Variants in CRISPLD2 observed in about 807,000 individuals in gnomAD.
The protein encoded by CRISPLD2 is cysteine-rich secretory protein LCCL domain-containing 2.
A neutral mutation model predicts 71.1 loss-of-function variants in CRISPLD2; 47 were observed. The observed-to-expected ratio is 0.66, with a 90% CI of 0.52 to 0.84. The LOEUF is 0.84. Among genes scored for constraint, CRISPLD2 ranks in the 40% least tolerant of loss-of-function variants. CRISPLD2 has a pLI of 0.00. For missense variants in CRISPLD2, 830 were observed against 651.1 expected, an observed-to-expected ratio of 1.27 and a Z score of -2.99; for synonymous variants, 317 against 250.1, an observed-to-expected ratio of 1.27 and a Z score of -2.52.
chr16:84,828,514 G>C (rs1283154364), intron 1 of CRISPLD2, among the ~76,000 whole-genome samples: 1 of 152,118 alleles, frequency 6.6e-6, no homozygotes, highest in Non-Finnish European at 1.5e-5. Flanking sequence ...CTGGGAGTCC[G>C]TAATTCCTTT....
chr16:84,824,907 C>A (rs1190445491), intron 1 of CRISPLD2, among the ~76,000 whole-genome samples: 1 of 151,840 alleles, frequency 6.6e-6, no homozygotes, highest in Admixed American at 6.6e-5. Flanking sequence ...AGTTTGAGAC[C>A]AGCCTGACCA....
chr16:84,887,946 G>A (rs1327678561), intron 13 of CRISPLD2, among the ~76,000 whole-genome samples: 1 of 152,212 alleles, frequency 6.6e-6, no homozygotes, highest in South Asian at 2.1e-4. Flanking sequence ...AAATCAGATC[G>A]CTAGATCCAC....
intron 3 of CRISPLD2, among the ~76,000 whole-genome samples, chr16:84,847,954 A>T (rs943068936): frequency 2.6e-5 from 4 of 152,110 alleles, no homozygotes; most frequent in African/African-American, 9.7e-5. Flanking sequence ...GCTCTTGCAG[A>T]TTCATTTTTG....
At chr16:84,848,806 A>G (rs1916988336) in intron 3 of CRISPLD2, among the ~76,000 whole-genome samples, 1 of 152,022 alleles carries the variant, frequency 6.6e-6, no homozygotes. Flanking sequence ...TACGGGCTTC[A>G]TGGGCTGGAT....
chr16:84,904,507 C>T (rs2071783669), intron 14 of CRISPLD2, among the ~76,000 whole-genome samples: 1 of 151,838 alleles, frequency 6.6e-6, no homozygotes, highest in Non-Finnish European at 1.5e-5. Flanking sequence ...TCACTTGAAC[C>T]TGGGAAGCAG....
At chr16:84,862,790 C>T (rs1281516288) in intron 6 of CRISPLD2, among the ~76,000 whole-genome samples, 2 of 149,968 alleles carry the variant, frequency 1.3e-5, no homozygotes, top group African/African-American at 2.5e-5. Flanking sequence ...GATGTGGGAT[C>T]AGGCTGGTGG....
At chr16:84,905,915 G>A (rs183634153) in intron 14 of CRISPLD2, among the ~76,000 whole-genome samples, 3 of 152,036 alleles carry the variant, frequency 2.0e-5, no homozygotes, top group Admixed American at 2.0e-4. Flanking sequence ...TCACCATGTT[G>A]GCCAGGCTGG....
chr16:84,868,778 C>T, intron 7 of CRISPLD2, 73 bp from the exon 8 acceptor site: 9 of 1,210,814 alleles, frequency 7.4e-6, no homozygotes, highest in Non-Finnish European at 1.1e-5. Flanking sequence ...CAGAATGTCC[C>T]TCAGCATGGG....
chr16:84,859,538 C>T (rs185315311), intron 6 of CRISPLD2, among the ~76,000 whole-genome samples: 2 of 152,220 alleles, frequency 1.3e-5, no homozygotes, highest in Non-Finnish European at 2.9e-5. Context: ...GACCTAGCCT[C>T]CCCTTCATTC....
At chr16:84,833,270 G>T (rs1280361047) in intron 1 of CRISPLD2, among the ~76,000 whole-genome samples, 1 of 152,074 alleles carries the variant, frequency 6.6e-6, no homozygotes, top group Non-Finnish European at 1.5e-5. Flanking sequence ...AGCTCTGTCC[G>T]TTCCCCTCCC....
intron 14 of CRISPLD2, among the ~76,000 whole-genome samples, chr16:84,891,190 G>T (rs1372759948): frequency 6.6e-6 from 1 of 152,222 alleles, no homozygotes; most frequent in East Asian, 1.9e-4. Flanking sequence ...CAATGTTGAA[G>T]ATTTCATATT....
intron 14 of CRISPLD2, among the ~76,000 whole-genome samples, chr16:84,903,626 C>G (rs1378716094): frequency 6.6e-6 from 1 of 150,926 alleles, no homozygotes; most frequent in East Asian, 1.9e-4. Flanking sequence ...CCCAAAGAGA[C>G]TTAGTGACTT....
At chr16:84,888,929 C>G (rs760752814) in intron 13 of CRISPLD2, among the ~76,000 whole-genome samples, 1 of 152,196 alleles carries the variant, frequency 6.6e-6, no homozygotes, top group Non-Finnish European at 1.5e-5. Context: ...TTTGCTCACT[C>G]GACTCTTTGA....
At chr16:84,849,283 C>G in intron 3 of CRISPLD2, 102 bp from the exon 4 acceptor site, 1 of 1,192,752 alleles carries the variant, frequency 8.4e-7, no homozygotes, top group Non-Finnish European at 1.2e-6. Context: ...CGCTATTCAC[C>G]CTCCTCGGCC....
At chr16:84,850,466 T>A (rs4782673) in intron 4 of CRISPLD2, 102 bp from the exon 5 acceptor site, 40 of 869,320 alleles carry the variant, frequency 4.6e-5, no homozygotes, top group South Asian at 3.3e-4. Flanking sequence ...ACCCTTCACC[T>A]CGTACCTCTT....
intron 13 of CRISPLD2, 46 bp from the exon 14 acceptor site, chr16:84,889,184 G>C (rs1440059609): frequency 6.2e-7 from 1 of 1,613,110 alleles, no homozygotes; most frequent in Non-Finnish European, 8.5e-7. Context: ...CTTGACCCAT[G>C]AGCTGGAATC....
At chr16:84,873,521 A>AC (rs1183243679) in intron 10 of CRISPLD2, 1 of 182,946 alleles carries the variant, frequency 5.5e-6, no homozygotes, top group Non-Finnish European at 1.1e-5. Flanking sequence ...AAAAAAACAA[A>AC]AAAAAAACCC....
chr16:84,824,692 A>G (rs188940477), intron 1 of CRISPLD2, among the ~76,000 whole-genome samples: 3 of 151,794 alleles, frequency 2.0e-5, no homozygotes, highest in Non-Finnish European at 4.4e-5. Context: ...GTTTAATTTC[A>G]CTCCTGCCGT....
chr16:84,826,624 T>G (rs921971563), intron 1 of CRISPLD2, among the ~76,000 whole-genome samples: 1 of 152,234 alleles, frequency 6.6e-6, no homozygotes, highest in South Asian at 2.1e-4. Context: ...CACGGTTTAT[T>G]CCCCGGGACC....
Sources: allele counts gnomAD v4.1 joint callset (sites outside exome capture counted in the v4.1 genomes callset), GRCh38; gene constraint gnomAD v4.1.1; transcripts MANE v1.5; gene names NCBI Gene and HGNC (gene_info 2026-07-23, HGNC 2026-07-21).